The following RASA3 variants were observed in gnomAD, a reference collection of about 807,000 sequenced individuals.
RASA3 encodes ras GTPase-activating protein 3.
RASA3 carries 73 observed loss-of-function variants against 110.0 expected under a neutral mutation model. That is an observed-to-expected ratio of 0.66 (90% CI 0.55 to 0.81). RASA3 has a LOEUF of 0.81. RASA3 is among the 30% of genes least tolerant of loss of function. RASA3 has a pLI of 0.00. For synonymous variants in RASA3, 500 were observed against 451.4 expected (o/e 1.11, Z -1.37); for missense variants, 976 against 1,113.2 (o/e 0.88, Z 1.75).
At position 114,096,169 on chromosome 13, in the gene RASA3, C is replaced by T. The variant is rs2079941875; in HGVS notation, c.56-22332G>A. Reference sequence around the variant, plus strand: ...GCATCGGTGTGCCGGAAAAGGGGTGCTCTCCAGGTGGCCCTGGCGGCATCG... The same window carrying T: ...GCATCGGTGTGCCGGAAAAGGGGTGTTCTCCAGGTGGCCCTGGCGGCATCG... On this transcript the variant is annotated intron_variant, in intron 1 of 23. Transcript: ENST00000334062. This position sits in a 1 kb window ranked among gnomAD's most constrained non-coding sequence, Gnocchi z 5.1. 6.6e-6 allele frequency among the ~76,000 whole-genome samples: 1 copy of T among 152,084 alleles called. No homozygotes were observed. The highest frequency in any genetic ancestry group is 1.5e-5 in the Non-Finnish European group (1 of 68,016).
At chr13:113,979,749 G>GCACA (rs2052865411) in intron 23 of RASA3, among the ~76,000 whole-genome samples, 2 of 152,166 alleles carry the variant, frequency 1.3e-5, no homozygotes, top group Non-Finnish European at 2.9e-5. Flanking sequence ...CAAAGAGTGT[G>GCACA]CTCATGTGTG....
intron 16 of RASA3, among the ~76,000 whole-genome samples, chr13:114,010,164 T>A (rs910846290): frequency 5.9e-5 from 9 of 152,074 alleles, no homozygotes; most frequent in Admixed American, 2.0e-4. Flanking sequence ...GCACATCTTT[T>A]ACTCACTCGG....
In RASA3 at chr13:114,117,454, C is replaced by T. The variant is rs183674946; in HGVS notation, c.55+14981G>A. The stretch of plus-strand genomic sequence containing the variant: ...CTGTATGCACATCTGTGGGTGAGCA[C>T]GTGCGTGAGGGGTGCACATCTGTGG... On this transcript the variant is annotated intron_variant, in intron 1 of 23. Coordinates refer to ENST00000334062, the MANE Select transcript of RASA3 (RefSeq NM_007368.4). 7.8e-5 allele frequency among the ~76,000 whole-genome samples: 10 copies of T among 128,950 alleles called. 1 individual carries two copies. The highest frequency in any genetic ancestry group is 2.1e-4 in the African/African-American group (7 of 32,868). The allele number at this position is 128,950 out of a possible 152,430, so 84.6% of individuals were successfully genotyped here.
chr13:114,066,393 G>A (rs1262442236), intron 2 of RASA3, among the ~76,000 whole-genome samples: 2 of 152,196 alleles, frequency 1.3e-5, no homozygotes, highest in Admixed American at 6.5e-5. Flanking sequence ...GAGGGCCAGC[G>A]GCCGAGGAGC....
intron 18 of RASA3, among the ~76,000 whole-genome samples, chr13:114,003,351 C>A (rs2053444808): frequency 6.6e-6 from 1 of 152,146 alleles, no homozygotes; most frequent in Non-Finnish European, 1.5e-5. Context: ...AGGCGCCTGT[C>A]CTTGAACCTG....
chr13:114,102,774 C>T (rs950595168), intron 1 of RASA3, among the ~76,000 whole-genome samples: 8 of 152,148 alleles, frequency 5.3e-5, no homozygotes, highest in Admixed American at 2.0e-4. Context: ...CTATGGTCTC[C>T]GGGGCTTCCT....
chr13:114,034,708 T>A (rs2054247307), intron 4 of RASA3, among the ~76,000 whole-genome samples: 1 of 152,244 alleles, frequency 6.6e-6, no homozygotes. Flanking sequence ...ATTTAGAGGT[T>A]AAACAACACA....
At position 114,114,734 on chromosome 13, in the gene RASA3, A is replaced by C. The variant is rs1168085195; in HGVS notation, c.55+17701T>G. Among the ~76,000 whole-genome samples the C allele has an allele frequency of 1.3e-5, 2 of 152,174 alleles. No homozygotes were observed. Among genetic ancestry groups the C allele is most frequent in the Non-Finnish European group, 2.9e-5 (2 of 68,036 alleles). Reference sequence around the variant, plus strand: ...AACATGTGGGCAGGGTTTCAGTGTAAACCCGAGGGCAGGTTAAACACGCTC... The same window carrying C: ...AACATGTGGGCAGGGTTTCAGTGTACACCCGAGGGCAGGTTAAACACGCTC... On this transcript the variant is annotated intron_variant, in intron 1 of 23. Transcript: ENST00000334062. This position sits in a 1 kb window ranked among gnomAD's most constrained non-coding sequence, Gnocchi z 4.8.
chr13:114,125,879 C>A (rs945048249), intron 1 of RASA3, among the ~76,000 whole-genome samples: 1 of 151,768 alleles, frequency 6.6e-6, no homozygotes, highest in Non-Finnish European at 1.5e-5. Context: ...CAACCTCGCA[C>A]CCTCCAGAGG....
At chr13:114,130,148 G>C (rs1470133559) in intron 1 of RASA3, among the ~76,000 whole-genome samples, 1 of 152,194 alleles carries the variant, frequency 6.6e-6, no homozygotes, top group African/African-American at 2.4e-5. Context: ...CGCACCCACA[G>C]GTCACCCTCA....
intron 3 of RASA3, among the ~76,000 whole-genome samples, chr13:114,047,769 G>A (rs2079077311): frequency 6.6e-6 from 1 of 152,264 alleles, no homozygotes; most frequent in Non-Finnish European, 1.5e-5. Context: ...AGAGGGCACG[G>A]CCCCTCCAGG....
chr13:114,122,731 G>A (rs1263007759), intron 1 of RASA3, among the ~76,000 whole-genome samples: 1 of 151,380 alleles, frequency 6.6e-6, no homozygotes, highest in Admixed American at 6.6e-5. Flanking sequence ...AGCTAGGAAG[G>A]GGGTCTCCGG....
chr13:114,052,027 A>G, intron 3 of RASA3, 25 bp downstream of exon 3: 1 of 1,517,490 alleles, frequency 6.6e-7, no homozygotes, highest in Non-Finnish European at 9.2e-7. Context: ...AGAAAAGGGG[A>G]AGTAAATGCT....
intron 1 of RASA3, among the ~76,000 whole-genome samples, chr13:114,076,779 A>T (rs1594430744): frequency 2.7e-5 from 4 of 148,172 alleles, no homozygotes; most frequent in Middle Eastern, 3.4e-3. Flanking sequence ...CAAGTCGGAC[A>T]GGGGCCCCTC....
At chr13:114,095,157 C>T (rs1013759999) in intron 1 of RASA3, among the ~76,000 whole-genome samples, 1 of 152,170 alleles carries the variant, frequency 6.6e-6, no homozygotes, top group Admixed American at 6.5e-5. Context: ...CTTTTATTTA[C>T]TGGGTTTTCA....
intron 1 of RASA3, among the ~76,000 whole-genome samples, chr13:114,076,524 GCA>G (rs998303261): frequency 1.3e-5 from 2 of 151,304 alleles, no homozygotes; most frequent in Non-Finnish European, 3.0e-5. Flanking sequence ...CACACACGCA[GCA>G]CACGCACGCA....
chr13:113,981,529 C>A, intron 23 of RASA3, 146 bp downstream of exon 23: 1 of 890,346 alleles, frequency 1.1e-6, no homozygotes, highest in Non-Finnish European at 1.8e-6. Context: ...CCGCCAGGTG[C>A]CAGCCCGGTG....
intron 15 of RASA3, among the ~76,000 whole-genome samples, chr13:114,012,505 T>TCC (rs2053656293): frequency 1.9e-5 from 2 of 107,672 alleles, no homozygotes; most frequent in African/African-American, 3.7e-5. Context: ...ACTCACTCAT[T>TCC]ACACACACTC....
intron 23 of RASA3, 137 bp from the exon 24 acceptor site, chr13:113,979,559 G>A (rs887642125): frequency 9.5e-6 from 7 of 734,350 alleles, no homozygotes; most frequent in Non-Finnish European, 1.7e-5. Flanking sequence ...GGAGCCAAAG[G>A]AACCACAGTG....
Sources: gnomAD v4.1 joint callset for allele counts (sites outside exome capture counted in the v4.1 genomes callset) on GRCh38, gnomAD v4.1.1 for gene constraint, Gnocchi (gnomAD v3.1) non-coding constraint, MANE v1.5 for transcripts, NCBI Gene and HGNC (gene_info 2026-07-23, HGNC 2026-07-21) for gene names.